Variants in TOPAZ1 observed in about 807,000 individuals in gnomAD.
TOPAZ1 encodes testis and ovary specific TOPAZ 1.
TOPAZ1 carries 66 observed loss-of-function variants against 172.2 expected under a neutral mutation model. That is an observed-to-expected ratio of 0.38 (90% CI 0.31 to 0.47). The LOEUF is 0.47. Ranked by LOEUF, TOPAZ1 falls within the 20% of genes least tolerant of loss-of-function variation. TOPAZ1 has a pLI of 0.99. For synonymous variants in TOPAZ1, 681 were observed against 683.9 expected, an observed-to-expected ratio of 1.00 and a Z score of 0.07; for missense variants, 1,822 against 1,972.4, an observed-to-expected ratio of 0.92 and a Z score of 1.44.
intron 8 of TOPAZ1, among the ~76,000 whole-genome samples, chr3:44,275,345 T>C (rs1575716778): frequency 6.6e-6 from 1 of 152,002 alleles, no homozygotes; most frequent in African/African-American, 2.4e-5. Context: ...CCACTCTTTT[T>C]CCCCCTCCTA....
intron 4 of TOPAZ1, among the ~76,000 whole-genome samples, chr3:44,256,769 G>A (rs1220912339): frequency 6.6e-6 from 1 of 152,054 alleles, no homozygotes; most frequent in East Asian, 1.9e-4. Flanking sequence ...AAATTAGTCA[G>A]TAATATTTGC....
At chr3:44,314,693 C>A (rs1197278693) in intron 16 of TOPAZ1, among the ~76,000 whole-genome samples, 1 of 151,946 alleles carries the variant, frequency 6.6e-6, no homozygotes, top group Non-Finnish European at 1.5e-5. Context: ...TGGTATTGAG[C>A]TTGTTTTTGG....
At chr3:44,304,208 C>T (rs2125699476) in intron 13 of TOPAZ1, 127 bp downstream of exon 13, 5 of 514,546 alleles carry the variant, frequency 9.7e-6, no homozygotes, top group South Asian at 4.3e-5. Flanking sequence ...AGAGAAAATG[C>T]TCAAGGAAAG....
chr3:44,268,201 T>G (rs998193055), intron 6 of TOPAZ1, among the ~76,000 whole-genome samples: 9 of 151,712 alleles, frequency 5.9e-5, no homozygotes, highest in African/African-American at 2.2e-4. Context: ...ACAACAGAAA[T>G]TTATTTTGCA....
At position 44,242,246 on chromosome 3, in the gene TOPAZ1, A is replaced by G. The variant is rs1409206803; in HGVS notation, c.193A>G (p.Ser65Gly). 6.5e-7 allele frequency: 1 copy of G among 1,547,514 alleles called. No homozygotes were observed. Among genetic ancestry groups the G allele is most frequent in the Non-Finnish European group, 8.7e-7 (1 of 1,145,756 alleles). ...RATPGRGEVE[S>G]DKSVAASGAG... ...CACCCCTGGGAGAGGCGAGGTGGAA[A>G]GTGATAAGTCGGTTGCAGCATCAGG... Residue 65 changes from serine (S) to glycine (G), a missense_variant, in exon 1 of 20, where the codon AGT (serine) becomes GGT (glycine). Transcript: ENST00000309765.
chr3:44,245,655 G>A (rs1295832082), intron 2 of TOPAZ1, among the ~76,000 whole-genome samples: 4 of 146,526 alleles, frequency 2.7e-5, no homozygotes, highest in African/African-American at 1.0e-4. Context: ...TCCTGCCTCA[G>A]CCTCCCAAGT....
In TOPAZ1 at chr3:44,242,833, T is replaced by G; in HGVS notation, c.347-20T>G. ...CCTCAATATAAAATCTTTTCTGATA[T>G]ATTTTGTTGTTTTGATCAGCCAAGG... On this transcript the variant is annotated intron_variant, in intron 1 of 19. Transcript: ENST00000309765. 1 of 1,457,832 alleles carries G rather than the reference T, an allele frequency of 6.9e-7. No homozygotes were observed. Among genetic ancestry groups the G allele is most frequent in the Non-Finnish European group, 9.0e-7 (1 of 1,106,378 alleles). The allele number at this position is 1,457,832 out of a possible 1,614,324, so 90.3% of individuals were successfully genotyped here. A position where few individuals can be genotyped will look rare whatever the true frequency, so the allele number is the denominator to read the frequency against.
At chr3:44,247,274 A>T (rs1699577338) in intron 2 of TOPAZ1, among the ~76,000 whole-genome samples, 1 of 152,236 alleles carries the variant, frequency 6.6e-6, no homozygotes, top group South Asian at 2.1e-4. Context: ...AGGCAGAGAA[A>T]TCAAAGTGGA....
At chr3:44,275,880 A>G (rs1699948050) in intron 8 of TOPAZ1, among the ~76,000 whole-genome samples, 1 of 151,968 alleles carries the variant, frequency 6.6e-6, no homozygotes, top group South Asian at 2.1e-4. Flanking sequence ...CTGTCTTCTT[A>G]GTGATAGGCA....
intron 6 of TOPAZ1, among the ~76,000 whole-genome samples, chr3:44,268,902 T>C (rs955875090): frequency 1.3e-5 from 2 of 152,176 alleles, no homozygotes; most frequent in Non-Finnish European, 2.9e-5. Flanking sequence ...GTGTATAATA[T>C]TTGTCTATTT....
rs868396783 is a variant in TOPAZ1, at chr3:44,242,273, G to C, written c.220G>C (p.Ala74Pro). The C allele has an allele frequency of 1.3e-6, 2 of 1,550,368 alleles. No individual in the cohort carries two copies. Among genetic ancestry groups the C allele is most frequent in the Non-Finnish European group, 1.7e-6 (2 of 1,146,738 alleles). ...TGATAAGTCGGTTGCAGCATCAGGGGCTGGAAAGGCCGCAAGGCGTCAGGT... is the reference window on the plus strand; with the variant it reads ...TGATAAGTCGGTTGCAGCATCAGGGCCTGGAAAGGCCGCAAGGCGTCAGGT... ...ESDKSVAASG[A>P]GKAARRQVEG... is the part of the protein sequence containing the mutation. The change falls in exon 1 of 20, where the codon GCT becomes CCT. Residue 74 changes from alanine to proline, a missense_variant. By Grantham distance (27) the Ala-to-Pro change is conservative. Coordinates refer to ENST00000309765, the MANE Select transcript of TOPAZ1 (RefSeq NM_001145030.2).
In TOPAZ1 at chr3:44,262,443, A is replaced by G; in HGVS notation, c.2980A>G (p.Thr994Ala). ...GCATAGATTTACAGACAAAGTGATT[A>G]CCAAAGAAGAAAAAGAAAATATTTA... ...EKHRFTDKVI[T>A]KEEKENIYEV... is the part of the protein sequence containing the mutation. Residue 994 changes from threonine (T) to alanine (A), a missense_variant, in exon 5 of 20, where the codon ACC becomes GCC. Coordinates refer to ENST00000309765, the MANE Select transcript of TOPAZ1 (RefSeq NM_001145030.2). The G allele has an allele frequency of 6.7e-7, 1 of 1,489,676 alleles. No individual in the cohort carries two copies. Among genetic ancestry groups the G allele is most frequent in the South Asian group, 1.2e-5 (1 of 81,250 alleles). 92.3% of individuals were successfully genotyped at this position (1,489,676 alleles called of 1,614,324 possible).
At chr3:44,314,727 A>G (rs1700432406) in intron 16 of TOPAZ1, among the ~76,000 whole-genome samples, 1 of 152,112 alleles carries the variant, frequency 6.6e-6, no homozygotes, top group African/African-American at 2.4e-5. Context: ...GGGGTTCTCA[A>G]CCTTGATTAT....
At chr3:44,293,505 C>T (rs1700162561) in intron 12 of TOPAZ1, among the ~76,000 whole-genome samples, 1 of 151,858 alleles carries the variant, frequency 6.6e-6, no homozygotes, top group Non-Finnish European at 1.5e-5. Flanking sequence ...GTATTTGTGT[C>T]TTAGTTTTTA....
Position 44,328,230 on chromosome 3 carries a change from C to T in TOPAZ1, c.4676-20C>T. ...CCTATTGGGTTTTAGTAAAGTTTGA[C>T]CTATTATTTGATTTTTCAGGTGCTC... On this transcript the variant is annotated intron_variant, in intron 18 of 19. Coordinates refer to ENST00000309765, the MANE Select transcript of TOPAZ1 (RefSeq NM_001145030.2). The T allele has an allele frequency of 6.9e-7, 1 of 1,449,132 alleles. No homozygotes were observed. The allele number at this position is 1,449,132 out of a possible 1,614,324, so 89.8% of individuals were successfully genotyped here.
At position 44,243,505 on chromosome 3, in the gene TOPAZ1, G is replaced by A. The variant is rs267599831; in HGVS notation, c.999G>A (p.Arg333=). ...ESSVGRKPRK[R]MKLSEKADET... is the part of the protein sequence containing the mutation. The stretch of plus-strand genomic sequence containing the variant: ...GTGTTGGGCGAAAACCCAGGAAAAG[G>A]ATGAAGTTGTCTGAAAAAGCAGATG... Residue 333 remains arginine, a synonymous_variant, in exon 2 of 20, where the codon AGG becomes AGA. Transcript: ENST00000309765. The A allele has an allele frequency of 9.7e-6, 15 of 1,551,590 alleles. No individual in the cohort carries two copies. The Admixed American group carries it at 2.7e-4, about 28-fold the overall frequency.
rs998537680 is a variant in TOPAZ1 at position 44,242,234 on chromosome 3, G to C, written c.181G>C (p.Gly61Arg). The C allele has an allele frequency of 5.2e-6, 8 of 1,547,026 alleles. No individual in the cohort carries two copies. The African/African-American group carries it at 1.1e-4, about 21-fold the overall frequency. The change falls in exon 1 of 20, where the codon GGC (glycine) becomes CGC (arginine). Residue 61 changes from glycine (G) to arginine (R), a missense_variant. Physicochemically the swap from Gly to Arg is moderately radical, Grantham distance 125. This residue lies in a region of TOPAZ1 where 1,489 missense variants were observed against 1,490.8 expected (regional missense o/e 1.00). Transcript: ENST00000309765. Reference protein sequence around the residue: ...RMVARATPGRGEVESDKSVAA... With the variant: ...RMVARATPGRREVESDKSVAA... ...GGTGGCCCGGGCCACCCCTGGGAGA[G>C]GCGAGGTGGAAAGTGATAAGTCGGT... is the stretch of plus-strand genomic sequence containing the variant.
intron 8 of TOPAZ1, 100 bp downstream of exon 8, chr3:44,270,910 G>C: frequency 1.8e-6 from 2 of 1,090,380 alleles, no homozygotes; most frequent in Non-Finnish European, 2.5e-6. Flanking sequence ...GCATAGATGT[G>C]AGTTTTGCCT....
chr3:44,292,925 T>A (rs1394141846), intron 12 of TOPAZ1, among the ~76,000 whole-genome samples: 1 of 152,198 alleles, frequency 6.6e-6, no homozygotes, highest in Non-Finnish European at 1.5e-5. Flanking sequence ...GTATATAACT[T>A]TGAAAACTGT....
Sources: allele counts gnomAD v4.1 joint callset (sites outside exome capture counted in the v4.1 genomes callset), GRCh38; gene constraint gnomAD v4.1.1; regional missense constraint gnomAD v4.1.1; transcripts MANE v1.5; gene names NCBI Gene and HGNC (gene_info 2026-07-23, HGNC 2026-07-21).